TLN2: variants seen among roughly 807,000 people sequenced by gnomAD.
TLN2 encodes talin 2, also known as talin-2.
TLN2 carries 118 observed loss-of-function variants against 294.7 expected under a neutral mutation model. The observed-to-expected ratio is 0.40, with a 90% CI of 0.34 to 0.47. The LOEUF is 0.47. Among genes scored for constraint, TLN2 ranks in the 20% least tolerant of loss-of-function variants. TLN2 has a pLI of 0.84. For synonymous variants in TLN2, 1,431 were observed against 1,304.5 expected, an observed-to-expected ratio of 1.10 and a Z score of -2.09; for missense variants, 3,083 against 3,282.2, an observed-to-expected ratio of 0.94 and a Z score of 1.48.
chr15:62,769,778 G>T (rs1019618126), intron 41 of TLN2, among the ~76,000 whole-genome samples: 3 of 152,082 alleles, frequency 2.0e-5, no homozygotes, highest in African/African-American at 4.8e-5. Flanking sequence ...TAAGGGAGGT[G>T]CTGGCTAAAG....
chr15:62,644,655 G>C (rs2051608982), intron 3 of TLN2: 1 of 454,248 alleles, frequency 2.2e-6, no homozygotes, highest in Non-Finnish European at 4.4e-6. Context: ...CGCAGCCCCA[G>C]GCGTCTTGCT....
intron 2 of TLN2, among the ~76,000 whole-genome samples, chr15:62,614,477 C>T (rs1356251612): frequency 2.0e-5 from 3 of 152,090 alleles, no homozygotes; most frequent in African/African-American, 7.2e-5. Flanking sequence ...ATCTAAATGG[C>T]CCTCTACTCC....
intron 1 of TLN2, among the ~76,000 whole-genome samples, chr15:62,444,530 T>G (rs1354176006): frequency 6.6e-6 from 1 of 152,242 alleles, no homozygotes; most frequent in East Asian, 1.9e-4. Context: ...TAAAGAACCC[T>G]CATTTCTTAG....
Position 62,675,291 on chromosome 15 carries a change from C to T in TLN2, c.927C>T (p.Arg309=). The T allele has an allele frequency of 6.2e-7, 1 of 1,614,214 alleles. No homozygotes were observed. The highest frequency in any genetic ancestry group is 8.5e-7 in the Non-Finnish European group (1 of 1,180,044). ...ACGTCAAACTCGCACGGTCCCTCCG[C>T]ACATATGGCGTGTCCTTCTTCCTGG... ...VKYVKLARSL[R]TYGVSFFLVK... is the part of the protein sequence containing the mutation. Residue 309 remains arginine (R), a synonymous_variant, in exon 11 of 59, where the codon CGC becomes CGT. Coordinates refer to ENST00000636159, the MANE Select transcript of TLN2 (RefSeq NM_015059.3).
At chr15:62,704,268 C>T (rs2058915387) in intron 19 of TLN2, among the ~76,000 whole-genome samples, 1 of 152,112 alleles carries the variant, frequency 6.6e-6, no homozygotes, top group South Asian at 2.1e-4. Flanking sequence ...TTATTAACTA[C>T]CTGACACTTC....
intron 1 of TLN2, among the ~76,000 whole-genome samples, chr15:62,492,610 C>T (rs566682229): frequency 1.5e-4 from 22 of 151,034 alleles, no homozygotes; most frequent in African/African-American, 5.1e-4. Context: ...TAGAGATAGT[C>T]TGTTTTTAAA....
At chr15:62,833,428 C>T (rs2069091359) in intron 54 of TLN2, 76 bp from the exon 55 acceptor site, 12 of 1,557,214 alleles carry the variant, frequency 7.7e-6, no homozygotes, top group East Asian at 2.3e-5. Context: ...CCAGGTGACC[C>T]GGCAGTAAGT....
chr15:62,657,682 A>G, intron 8 of TLN2, 89 bp from the exon 9 acceptor site: 1 of 1,521,540 alleles, frequency 6.6e-7, no homozygotes, highest in Non-Finnish European at 8.8e-7. Flanking sequence ...TGCTCCACAG[A>G]GGGTGTACTG....
intron 39 of TLN2, chr15:62,763,351 C>T: frequency 2.1e-6 from 1 of 486,904 alleles, no homozygotes; most frequent in East Asian, 3.4e-5. Flanking sequence ...ATTCTTTCCA[C>T]CAGAAATAAG....
rs552943940 is a variant in TLN2 at position 62,421,605 on chromosome 15, A to G, written c.-238+30920A>G. On this transcript the variant is annotated intron_variant, in intron 1 of 58. Transcript: ENST00000636159. ...AACCAAATACCATATGTTCTCACTT[A>G]TAAGTGGGGACTAAATGATGAGGAC... Among the ~76,000 whole-genome samples, 189 of 152,034 alleles carry G rather than the reference A, an allele frequency of 1.2e-3. 1 individual carries two copies. Among genetic ancestry groups the G allele is most frequent in the Middle Eastern group, 0.01 (3 of 294 alleles).
rs1343875743 is a variant in TLN2, at chr15:62,809,915, C to T, written c.6664-10C>T. ...CATGTTAAGATTTCAGCATTCCTTT[C>T]TCTCTCCAGCAAGCATCCTTCCACC... On this transcript the variant is annotated splice_polypyrimidine_tract_variant and intron_variant, in intron 51 of 58. Coordinates refer to ENST00000636159, the MANE Select transcript of TLN2 (RefSeq NM_015059.3). 2 of 1,613,478 alleles carry T rather than the reference C, an allele frequency of 1.2e-6. No individual in the cohort carries two copies. The highest frequency in any genetic ancestry group is 1.7e-6 in the Non-Finnish European group (2 of 1,179,514).
At chr15:62,595,412 C>CAAAAAAAAAAAAAAAAAAAAAAAAAAAA (rs35989710) in intron 2 of TLN2, among the ~76,000 whole-genome samples, 1 of 82,186 alleles carries the variant, frequency 1.2e-5, no homozygotes. Flanking sequence ...GACTCCGTCT[C>CAAAAAAAAAAAAAAAAAAAAAAAAAAAA]AAAAAAAAAA....
intron 1 of TLN2, among the ~76,000 whole-genome samples, chr15:62,436,656 G>A (rs932991432): frequency 1.8e-4 from 27 of 152,212 alleles, no homozygotes; most frequent in Middle Eastern, 3.2e-3. Context: ...GAGGAATCAG[G>A]TTGTTTGAAT....
intron 1 of TLN2, among the ~76,000 whole-genome samples, chr15:62,454,588 G>T (rs1256530939): frequency 6.6e-6 from 1 of 152,142 alleles, no homozygotes. Context: ...AGTGTATCAA[G>T]AAGTGGGGTA....
intron 47 of TLN2, 94 bp downstream of exon 47, chr15:62,796,387 A>G: frequency 7.1e-7 from 1 of 1,416,142 alleles, no homozygotes; most frequent in Non-Finnish European, 9.5e-7. Flanking sequence ...CCAGAAATGT[A>G]GTTATCTGTT....
At chr15:62,814,353 G>T (rs2066920108) in intron 52 of TLN2, among the ~76,000 whole-genome samples, 1 of 152,196 alleles carries the variant, frequency 6.6e-6, no homozygotes, top group African/African-American at 2.4e-5. Flanking sequence ...CCACACAAAA[G>T]AAATATAAGC....
chr15:62,647,146 C>T lies in TLN2; in HGVS notation c.-36-129C>T, dbSNP rs561880114. The T allele has an allele frequency of 1.3e-4, 122 of 912,810 alleles. 1 individual carries two copies. In the South Asian group the frequency reaches 2.2e-3, roughly 16 times the overall value. 56.5% of individuals were successfully genotyped at this position (912,810 alleles called of 1,614,324 possible). A position where few individuals can be genotyped will look rare whatever the true frequency, so the allele number is the denominator to read the frequency against. ...ATTTGTTTTGTACCTAAAGTGTACT[C>T]TTTATTTGCTGTTTTATTCTCTTTC... On this transcript the variant is annotated intron_variant, in intron 3 of 58. Coordinates refer to ENST00000636159, the MANE Select transcript of TLN2 (RefSeq NM_015059.3).
chr15:62,439,833 T>G (rs1388539860), intron 1 of TLN2, among the ~76,000 whole-genome samples: 1 of 152,206 alleles, frequency 6.6e-6, no homozygotes, highest in East Asian at 1.9e-4. Flanking sequence ...GAAAGTTGAT[T>G]TGGCTTGCAG....
At chr15:62,820,867 A>G (rs2067506965) in intron 54 of TLN2, among the ~76,000 whole-genome samples, 1 of 152,172 alleles carries the variant, frequency 6.6e-6, no homozygotes, top group South Asian at 2.1e-4. Flanking sequence ...TGCAGTCTTG[A>G]TTTAGTTCAT....
Sources: allele counts gnomAD v4.1 joint callset (sites outside exome capture counted in the v4.1 genomes callset), GRCh38; gene constraint gnomAD v4.1.1; transcripts MANE v1.5; gene names NCBI Gene and HGNC (gene_info 2026-07-23, HGNC 2026-07-21).